The following PRKCH variants were observed in gnomAD, a reference collection of about 807,000 sequenced individuals.
PRKCH encodes the protein protein kinase C eta type.
In PRKCH, 28 loss-of-function variants were observed where a neutral mutation model predicts 82.5. The observed-to-expected ratio is 0.34, with a 90% CI of 0.25 to 0.47. PRKCH has a LOEUF of 0.47. Among genes scored for constraint, PRKCH ranks in the 20% least tolerant of loss-of-function variants. The pLI, the probability that PRKCH is intolerant of heterozygous loss-of-function variation, is 1.00. For synonymous variants in PRKCH, 322 were observed against 327.4 expected (o/e 0.98, Z 0.18); for missense variants, 705 against 881.8 (o/e 0.80, Z 2.54).
intron 1 of PRKCH, among the ~76,000 whole-genome samples, chr14:61,224,284 C>T (rs933989626): frequency 6.6e-6 from 1 of 152,150 alleles, no homozygotes; most frequent in Non-Finnish European, 1.5e-5. Context: ...CTTGTATGCC[C>T]TCATCCCATC....
intron 1 of PRKCH, among the ~76,000 whole-genome samples, chr14:61,327,955 A>G (rs779486798): frequency 2.6e-5 from 4 of 152,198 alleles, no homozygotes; most frequent in Non-Finnish European, 5.9e-5. Context: ...TATGTGCTTG[A>G]AAGACTGGGC....
intron 1 of PRKCH, among the ~76,000 whole-genome samples, chr14:61,310,360 C>T (rs1012735833): frequency 2.6e-5 from 4 of 152,188 alleles, no homozygotes; most frequent in African/African-American, 4.8e-5. Context: ...TCGGTAAGTA[C>T]ACCCATTCCA....
rs1460872023 is a variant in PRKCH at position 61,276,362 on chromosome 14, CTTTTTG to C, written c.-19+88700_-19+88705del. 6.5e-5 allele frequency among the ~76,000 whole-genome samples: 9 copies of C among 138,548 alleles called. No homozygotes were observed. The East Asian group carries it at 1.5e-3, about 23-fold the overall frequency. 90.9% of individuals were successfully genotyped at this position (138,548 alleles called of 152,430 possible). A position where few individuals can be genotyped will look rare whatever the true frequency, so the allele number is the denominator to read the frequency against. ...CAGAAGAGGGACTTTTTTTTTTTTT[CTTTTTG>C]TTTTTAAGACAGAGTCTCACTCTGT... On this transcript the variant is annotated intron_variant, in intron 1 of 3. Coordinates refer to the PRKCH transcript ENST00000555185.
chr14:61,456,973 T>C (rs1884795735), intron 7 of PRKCH: 2 of 553,314 alleles, frequency 3.6e-6, no homozygotes, highest in Admixed American at 6.9e-5. Flanking sequence ...ATTGACCTTT[T>C]ACACAAAGCA....
chr14:61,507,180 A>G (rs1887185697), intron 10 of PRKCH, among the ~76,000 whole-genome samples: 1 of 152,204 alleles, frequency 6.6e-6, no homozygotes, highest in African/African-American at 2.4e-5. Context: ...CAGTAGGTTT[A>G]TGAAAAGTTG....
chr14:61,511,452 C>T (rs1305463565), intron 10 of PRKCH, among the ~76,000 whole-genome samples: 2 of 152,182 alleles, frequency 1.3e-5, no homozygotes, highest in African/African-American at 4.8e-5. Flanking sequence ...CAGCCCCCCA[C>T]CCAGAACTGC....
chr14:61,485,523 G>C lies in PRKCH; in HGVS notation c.1300G>C (p.Glu434Gln). 1 of 1,613,822 alleles carries C rather than the reference G, an allele frequency of 6.2e-7. No homozygotes were observed. The highest frequency in any genetic ancestry group is 1.1e-5 in the South Asian group (1 of 91,030). ...CCAGGATCGTCTGTTTTTTGTGATG[G>C]AGTTTGTGAATGGGGGTGACTTGAT... ...QTPDRLFFVMEFVNGGDLMFH... is the reference protein window; with the variant it reads ...QTPDRLFFVMQFVNGGDLMFH... The change falls in exon 10 of 14, where the codon GAG (glutamate) becomes CAG (glutamine). Residue 434 changes from glutamate (E) to glutamine (Q), a missense_variant. By Grantham distance (29) the Glu-to-Gln change is conservative. Transcript: ENST00000332981.
intron 2 of PRKCH, among the ~76,000 whole-genome samples, chr14:61,391,762 T>C (rs951839955): frequency 6.6e-6 from 1 of 152,220 alleles, no homozygotes; most frequent in African/African-American, 2.4e-5. Context: ...TCCAATATTT[T>C]TTTTACTTGA....
At chr14:61,439,967 C>A (rs183251147) in intron 2 of PRKCH, among the ~76,000 whole-genome samples, 1 of 152,272 alleles carries the variant, frequency 6.6e-6, no homozygotes, top group East Asian at 1.9e-4. Flanking sequence ...TTTAACCAAT[C>A]TTTGTAGTAT....
At chr14:61,484,363 G>C (rs1182289849) in intron 9 of PRKCH, among the ~76,000 whole-genome samples, 3 of 138,388 alleles carry the variant, frequency 2.2e-5, no homozygotes, top group African/African-American at 8.1e-5. Context: ...GGCTGTGTCT[G>C]CTCTACTCTC....
intron 1 of PRKCH, among the ~76,000 whole-genome samples, chr14:61,261,315 A>T (rs1475521633): frequency 6.6e-6 from 1 of 152,248 alleles, no homozygotes; most frequent in African/African-American, 2.4e-5. Context: ...TTGAAGCAGC[A>T]TGGGTGGCTG....
intron 1 of PRKCH, among the ~76,000 whole-genome samples, chr14:61,340,441 G>T (rs546469995): frequency 3.9e-5 from 6 of 152,064 alleles, no homozygotes; most frequent in Non-Finnish European, 5.9e-5. Flanking sequence ...TTGTCATGGC[G>T]CATGGTCTCG....
chr14:61,449,019 T>C (rs576902777), intron 4 of PRKCH, 145 bp from the exon 5 acceptor site: 22 of 680,664 alleles, frequency 3.2e-5, no homozygotes, highest in East Asian at 1.4e-4. Flanking sequence ...GCGAAGGCAA[T>C]AGGAAGGATG....
At chr14:61,477,951 G>A (rs1885802587) in intron 9 of PRKCH, among the ~76,000 whole-genome samples, 1 of 152,186 alleles carries the variant, frequency 6.6e-6, no homozygotes, top group African/African-American at 2.4e-5. Context: ...ACCTCCGCCA[G>A]TCTTGGAGGT....
intron 1 of PRKCH, among the ~76,000 whole-genome samples, chr14:61,364,127 C>T (rs1032297965): frequency 6.6e-6 from 1 of 150,950 alleles, no homozygotes; most frequent in African/African-American, 2.4e-5. Context: ...CCTGCCTTGG[C>T]CTCCCAAAGT....
intron 1 of PRKCH, among the ~76,000 whole-genome samples, chr14:61,294,802 A>C (rs1002777412): frequency 6.6e-6 from 1 of 152,076 alleles, no homozygotes; most frequent in Non-Finnish European, 1.5e-5. Flanking sequence ...CAAAAAAAAT[A>C]TCAGTATATA....
At chr14:61,395,868 T>C (rs2140209681) in intron 2 of PRKCH, among the ~76,000 whole-genome samples, 1 of 152,042 alleles carries the variant, frequency 6.6e-6, no homozygotes, top group Non-Finnish European at 1.5e-5. Context: ...TTGCTTGAGC[T>C]CAGGAGTTTG....
chr14:61,402,356 G>A lies in PRKCH; in HGVS notation c.427+11068G>A, dbSNP rs113771946. On this transcript the variant is annotated intron_variant, in intron 2 of 13. Coordinates refer to ENST00000332981, the MANE Select transcript of PRKCH (RefSeq NM_006255.5). The stretch of plus-strand genomic sequence containing the variant: ...GAGAAACTACGCCTTGTTTACTTTT[G>A]TGTGGTATTAAAGAAGAATATCTGC... Among the ~76,000 whole-genome samples the A allele has an allele frequency of 3.7e-3, 560 of 152,150 alleles. 4 individuals are homozygous for A. The highest frequency in any genetic ancestry group is 0.013 in the African/African-American group (545 of 41,426).
chr14:61,531,294 A>G (rs965349413), intron 12 of PRKCH, among the ~76,000 whole-genome samples: 2 of 152,204 alleles, frequency 1.3e-5, no homozygotes, highest in African/African-American at 4.8e-5. Flanking sequence ...TTGAGCTCCA[A>G]AATCATGTAT....
Sources: allele counts gnomAD v4.1 joint callset (sites outside exome capture counted in the v4.1 genomes callset), GRCh38; gene constraint gnomAD v4.1.1; transcripts MANE v1.5; gene names NCBI Gene and HGNC (gene_info 2026-07-23, HGNC 2026-07-21).